ATP13A3: variants seen among roughly 807,000 people sequenced by gnomAD.
ATP13A3 encodes the protein ATPase 13A3.
In ATP13A3, 59 loss-of-function variants were observed where a neutral mutation model predicts 158.1. The observed-to-expected ratio is 0.37, with a 90% CI of 0.30 to 0.46. ATP13A3 has a LOEUF of 0.46. ATP13A3 is among the 20% of genes least tolerant of loss of function. ATP13A3 has a pLI of 1.00. For synonymous variants in ATP13A3, 491 were observed against 504.3 expected (o/e 0.97, Z 0.35); for missense variants, 1,166 against 1,525.2 (o/e 0.76, Z 3.92).
In ATP13A3 at chr3:194,412,186, G is replaced by A. The variant is rs757489279; in HGVS notation, c.3573+13C>T. ...GAGGCAGCAAGAATTGACAGGAAGT[G>A]CTGAGTTCCAACCTGCGGTGGCTGT... On this transcript the variant is annotated intron_variant, in intron 33 of 33. Coordinates refer to ENST00000645319, the MANE Select transcript of ATP13A3 (RefSeq NM_001367549.1). The A allele has an allele frequency of 2.0e-4, 314 of 1,533,182 alleles. No homozygotes were observed. The highest frequency in any genetic ancestry group is 2.6e-4 in the Non-Finnish European group (293 of 1,144,258). 95.0% of individuals were successfully genotyped at this position (1,533,182 alleles called of 1,614,324 possible).
Position 194,441,414 on chromosome 3 carries a change from G to C in ATP13A3, c.1607C>G (p.Ser536Cys), listed in dbSNP as rs374182356. Reference protein sequence around the residue: ...ENVCNEMLVKSQFVACMATCH... With the variant: ...ENVCNEMLVKCQFVACMATCH... ...AGTAGCCATACAAGCAACAAACTGGGATTTTACCAACATCTCATTGCACAC... is the reference window on the plus strand; with the variant it reads ...AGTAGCCATACAAGCAACAAACTGGCATTTTACCAACATCTCATTGCACAC... Residue 536 changes from serine (S) to cysteine (C), a missense_variant, in exon 16 of 34, where the codon TCC becomes TGC. This residue lies in a region of ATP13A3 where 997 missense variants were observed against 1,341.2 expected (regional missense o/e 0.74). Transcript: ENST00000645319. 2 of 1,613,396 alleles carry C rather than the reference G, an allele frequency of 1.2e-6. No individual in the cohort carries two copies. Among genetic ancestry groups the C allele is most frequent in the African/African-American group, 2.7e-5 (2 of 74,856 alleles).
chr3:194,463,207 C>G (rs60001699), intron 2 of ATP13A3, among the ~76,000 whole-genome samples: 6,636 of 152,146 alleles, frequency 0.044, 362 homozygotes, highest in African/African-American at 0.13. Context: ...TCCAAGTCCA[C>G]TGGGCAACCT....
chr3:194,489,731 G>A (rs1577102450), upstream of ATP13A3, among the ~76,000 whole-genome samples: 6 of 152,266 alleles, frequency 3.9e-5, no homozygotes, highest in South Asian at 1.2e-3. This position sits in a 1 kb window ranked among gnomAD's most constrained non-coding sequence, Gnocchi z 4.1. Flanking sequence ...AAAGCAGTTG[G>A]ATATTCCAAA....
rs758414215 is a variant in ATP13A3, at chr3:194,413,812, C to T, written c.3430G>A (p.Val1144Ile). 1 of 1,614,004 alleles carries T rather than the reference C, an allele frequency of 6.2e-7. No individual in the cohort carries two copies. Among genetic ancestry groups the T allele is most frequent in the Non-Finnish European group, 8.5e-7 (1 of 1,179,910 alleles). Residue 1144 changes from valine to isoleucine, a missense_variant, in exon 32 of 34, where the codon GTA (valine) becomes ATA (isoleucine). Physicochemically the swap from Val to Ile is conservative, Grantham distance 29 (BLOSUM62 3). Around this residue, in one of 3 missense-constraint regions of ATP13A3, gnomAD observed 997 missense variants for 1,341.2 expected, o/e 0.74. Transcript: ENST00000645319. ...ACAAGAACAATGATGAGCATAGTTA[C>T]ACGCCACTGATATGGTACACACACT... Reference protein sequence around the residue: ...QIVCVPYQWRVTMLIIVLVNA... With the variant: ...QIVCVPYQWRITMLIIVLVNA...
In ATP13A3 at chr3:194,415,662, T is replaced by TGTTTTTTTTTTTTTG. The variant is rs199606952; in HGVS notation, c.3403-1824_3403-1823insCAAAAAAAAAAAAAC. 1.5e-3 allele frequency among the ~76,000 whole-genome samples: 118 copies of TGTTTTTTTTTTTTTG among 76,602 alleles called. 1 individual carries two copies. The highest frequency in any genetic ancestry group is 0.015 in the African/African-American group (112 of 7,654). 50.3% of individuals were successfully genotyped at this position (76,602 alleles called of 152,430 possible). A position where few individuals can be genotyped will look rare whatever the true frequency, so the allele number is the denominator to read the frequency against. ...TGCAAGGATTTACAATACCACATTC[T>TGTTTTTTTTTTTTTG]TTTTTTTTTTTTTTTTTTTTTTTTT... On this transcript the variant is annotated intron_variant, in intron 31 of 33. Coordinates refer to ENST00000645319, the MANE Select transcript of ATP13A3 (RefSeq NM_001367549.1).
rs138340756 is a variant in ATP13A3, at chr3:194,492,111, C to T, written n.746+1939G>A. 8.2e-4 allele frequency among the ~76,000 whole-genome samples: 125 copies of T among 152,252 alleles called. 1 individual carries two copies. The highest frequency in any genetic ancestry group is 2.9e-3 in the African/African-American group (120 of 41,542). On this transcript the variant is annotated intron_variant and non_coding_transcript_variant, in intron 2 of 32. Transcript: ENST00000687055. Reference sequence around the variant, plus strand: ...AAAGTCCAGTGCAGGATGTAACCTGCCCACCACTTCCCCCTCCACTGGCAC... The same window carrying T: ...AAAGTCCAGTGCAGGATGTAACCTGTCCACCACTTCCCCCTCCACTGGCAC...
In ATP13A3 at chr3:194,403,026, A is replaced by G. The variant is rs1021501485; in HGVS notation, c.*2893T>C. On this transcript the variant is annotated 3_prime_UTR_variant, in exon 34 of 34. Transcript: ENST00000645319. Reference sequence around the variant, plus strand: ...TGTTAAAAGTTCCCAACCACCTCCCACCATAAATATACAAAAACCTATTTT... The same window carrying G: ...TGTTAAAAGTTCCCAACCACCTCCCGCCATAAATATACAAAAACCTATTTT... 1.3e-5 allele frequency: 2 copies of G among 152,172 alleles called. No homozygotes were observed. Among genetic ancestry groups the G allele is most frequent in the African/African-American group, 4.8e-5 (2 of 41,432 alleles). 9.4% of individuals were successfully genotyped at this position (152,172 alleles called of 1,614,324 possible).
intron 33 of ATP13A3, among the ~76,000 whole-genome samples, chr3:194,411,844 A>ACT (rs1232249979): frequency 6.6e-6 from 1 of 152,148 alleles, no homozygotes; most frequent in Non-Finnish European, 1.5e-5. Context: ...TTCTAAGGGG[A>ACT]CTCATGAAAA....
At chr3:194,453,847 C>T in intron 9 of ATP13A3, 69 bp from the exon 10 acceptor site, 8 of 1,196,266 alleles carry the variant, frequency 6.7e-6, no homozygotes, top group South Asian at 1.3e-5. Context: ...AGCCAGAGTG[C>T]TAAAAAAATA....
chr3:194,404,232 G>T lies in ATP13A3; in HGVS notation c.*1687C>A. The stretch of plus-strand genomic sequence containing the variant: ...TGGAACAACTGTTATCATCTAATGT[G>T]TATTAATAGCATATTATACATTTGA... On this transcript the variant is annotated 3_prime_UTR_variant, in exon 34 of 34. Transcript: ENST00000645319. 2.6e-6 allele frequency: 1 copy of T among 382,138 alleles called. No homozygotes were observed. The highest frequency in any genetic ancestry group is 5.1e-6 in the Non-Finnish European group (1 of 197,016). 23.7% of individuals were successfully genotyped at this position (382,138 alleles called of 1,614,324 possible).
At chr3:194,481,153 AG>A (rs1720732499) in intron 2 of ATP13A3, among the ~76,000 whole-genome samples, 1 of 152,192 alleles carries the variant, frequency 6.6e-6, no homozygotes, top group Non-Finnish European at 1.5e-5. Flanking sequence ...GAAAAAAATC[AG>A]GACCCAAAAC....
intron 10 of ATP13A3, chr3:194,451,900 T>TTTAAGTATC (rs1419381616): frequency 4.6e-5 from 7 of 152,496 alleles, no homozygotes; most frequent in African/African-American, 1.7e-4. Context: ...AATGGTCACA[T>TTTAAGTATC]TTAAGTATCT....
chr3:194,442,102 A>C (rs1212470499), intron 15 of ATP13A3, among the ~76,000 whole-genome samples: 2 of 152,248 alleles, frequency 1.3e-5, no homozygotes, highest in Non-Finnish European at 2.9e-5. Flanking sequence ...TAAGTAGCAG[A>C]GCAAGGATTG....
At chr3:194,468,650 G>C (rs1406925434) in intron 2 of ATP13A3, among the ~76,000 whole-genome samples, 1 of 152,104 alleles carries the variant, frequency 6.6e-6, no homozygotes, top group Non-Finnish European at 1.5e-5. Context: ...TTTCTCAAGA[G>C]TTGTAACAAT....
chr3:194,424,551 G>C (rs1296438819), intron 30 of ATP13A3: 1 of 152,122 alleles, frequency 6.6e-6, no homozygotes, highest in Non-Finnish European at 1.5e-5. Context: ...CGATACCTGT[G>C]ACCTGCCAAC....
At chr3:194,421,333 C>T (rs1467865302) in intron 30 of ATP13A3, among the ~76,000 whole-genome samples, 2 of 146,826 alleles carry the variant, frequency 1.4e-5, no homozygotes, top group African/African-American at 5.1e-5. Context: ...GCGGGCGGAT[C>T]ACGAGGTCAG....
intron 31 of ATP13A3, among the ~76,000 whole-genome samples, chr3:194,415,640 A>G (rs141615676): frequency 0.019 from 2,870 of 150,004 alleles, 51 homozygotes; most frequent in Middle Eastern, 0.042. Flanking sequence ...TGAAGTGTGC[A>G]AGGATTTACA....
chr3:194,425,541 G>A lies in ATP13A3; in HGVS notation c.3126-12C>T, dbSNP rs907747734. On this transcript the variant is annotated splice_polypyrimidine_tract_variant and intron_variant, in intron 29 of 33. Coordinates refer to ENST00000645319, the MANE Select transcript of ATP13A3 (RefSeq NM_001367549.1). Reference sequence around the variant, plus strand: ...TTGTATTACAAGCACTAGAACACATGCAAAAAATGTCTGCATTAGTAAACA... The same window carrying A: ...TTGTATTACAAGCACTAGAACACATACAAAAAATGTCTGCATTAGTAAACA... The A allele has an allele frequency of 6.9e-6, 11 of 1,583,734 alleles. No homozygotes were observed. The highest frequency in any genetic ancestry group is 6.8e-5 in the East Asian group (3 of 44,430).
chr3:194,414,435 C>T (rs1179751944), intron 31 of ATP13A3, among the ~76,000 whole-genome samples: 1 of 145,710 alleles, frequency 6.9e-6, no homozygotes, highest in Non-Finnish European at 1.5e-5. Context: ...TGTACTCCAG[C>T]GTGGGTGACA....
Sources: allele counts gnomAD v4.1 joint callset (sites outside exome capture counted in the v4.1 genomes callset), GRCh38; gene constraint gnomAD v4.1.1; regional missense constraint gnomAD v4.1.1; non-coding constraint Gnocchi (gnomAD v3.1); transcripts MANE v1.5; gene names NCBI Gene and HGNC (gene_info 2026-07-23, HGNC 2026-07-21).